MTMR10: variants seen among roughly 807,000 people sequenced by gnomAD.
MTMR10 encodes myotubularin-related protein 10.
A neutral mutation model predicts 88.1 loss-of-function variants in MTMR10; 56 were observed. The observed-to-expected ratio is 0.64, with a 90% CI of 0.51 to 0.79. The LOEUF (loss-of-function observed/expected upper bound fraction) is 0.79, where lower values mean the gene tolerates loss of function less well. MTMR10 is among the 30% of genes least tolerant of loss of function. The pLI is 0.00. For synonymous variants in MTMR10, 380 were observed against 340.9 expected, an observed-to-expected ratio of 1.11 and a Z score of -1.26; for missense variants, 883 against 924.7, an observed-to-expected ratio of 0.95 and a Z score of 0.58.
the MTMR10 span, chr15:30,925,863 C>T: frequency 9.9e-5 from 160 of 1,614,206 alleles, 1 homozygote; most frequent in South Asian, 1.4e-3. Flanking sequence ...CCGGGGAGGC[C>T]GCTGACCCCA....
the MTMR10 span, among the ~76,000 whole-genome samples, chr15:30,928,961 G>C: frequency 3.9e-5 from 6 of 152,228 alleles, no homozygotes; most frequent in African/African-American, 1.4e-4. Flanking sequence ...GGAGCTCACA[G>C]ACATGGGCAC....
chr15:30,942,322 C>CTAAT (rs1327597543), intron 15 of MTMR10: 1 of 547,962 alleles, frequency 1.8e-6, no homozygotes, highest in African/African-American at 1.9e-5. Flanking sequence ...CTCCTATCCA[C>CTAAT]TAATTTGCTT....
downstream of MTMR10, among the ~76,000 whole-genome samples, chr15:30,936,451 T>TA (rs1277207211): frequency 1.3e-5 from 2 of 152,228 alleles, no homozygotes; most frequent in Non-Finnish European, 2.9e-5. Context: ...CGGAGGGTTT[T>TA]AAGCAAGGAA....
downstream of MTMR10, among the ~76,000 whole-genome samples, chr15:30,935,788 A>G (rs2062835639): frequency 6.6e-6 from 1 of 152,210 alleles, no homozygotes; most frequent in Non-Finnish European, 1.5e-5. Context: ...AATACTTTAA[A>G]AATATTAGTC....
At chr15:30,928,030 G>C in the MTMR10 span, 2 of 989,294 alleles carry the variant, frequency 2.0e-6, no homozygotes, top group Non-Finnish European at 2.4e-6. Context: ...GGGCAGTGTA[G>C]TACCCAGGGG....
At chr15:30,989,586 GTT>G (rs35798908) in intron 2 of MTMR10, among the ~76,000 whole-genome samples, 3 of 143,396 alleles carry the variant, frequency 2.1e-5, no homozygotes, top group Non-Finnish European at 1.5e-5. Context: ...TTGATTTCAG[GTT>G]TTTTTTTTTT....
intron 2 of MTMR10, among the ~76,000 whole-genome samples, chr15:30,988,322 G>A (rs895473804): frequency 1.3e-5 from 2 of 152,166 alleles, no homozygotes; most frequent in Admixed American, 6.5e-5. Flanking sequence ...GCTAAATGTT[G>A]GGTAAGGATA....
chr15:30,987,006 C>G (rs1011740440), intron 2 of MTMR10, among the ~76,000 whole-genome samples: 1 of 152,194 alleles, frequency 6.6e-6, no homozygotes, highest in African/African-American at 2.4e-5. Context: ...AAGTCAAACT[C>G]AGTTTTCAAG....
At chr15:30,984,439 A>G (rs1436100454) in intron 2 of MTMR10, among the ~76,000 whole-genome samples, 1 of 152,244 alleles carries the variant, frequency 6.6e-6, no homozygotes, top group East Asian at 1.9e-4. Context: ...ACAAATTAAA[A>G]TACTACAAAA....
rs371260170 is a variant in MTMR10 at position 30,941,806 on chromosome 15, G to A, written c.1998C>T (p.Pro666=). The A allele has an allele frequency of 1.4e-5, 23 of 1,613,898 alleles. No homozygotes were observed. The highest frequency in any genetic ancestry group is 9.3e-5 in the African/African-American group (7 of 74,926). ...AGCCACCCAGGCTGATCTGGGCCTC[G>A]GGAACCCAGCGGAAGTAGCACAGTT... ...LWKLCYFRWV[P]EAQISLGGSI... The change falls in exon 16 of 16, where the codon CCC becomes CCT. Residue 666 remains proline (P), a synonymous_variant. Transcript: ENST00000435680.
the MTMR10 span, among the ~76,000 whole-genome samples, chr15:30,932,799 G>A: frequency 1.8e-3 from 267 of 146,664 alleles, 2 homozygotes; most frequent in African/African-American, 6.3e-3. Flanking sequence ...TGCAACTTCC[G>A]CCTCCTGGGT....
intron 2 of MTMR10, among the ~76,000 whole-genome samples, chr15:30,981,710 T>C (rs953378972): frequency 6.6e-5 from 10 of 152,234 alleles, no homozygotes; most frequent in Admixed American, 6.5e-4. Context: ...AACAGAAATC[T>C]AGTAATTATA....
chr15:30,923,007 C>T, the MTMR10 span, among the ~76,000 whole-genome samples: 1 of 152,242 alleles, frequency 6.6e-6, no homozygotes, highest in South Asian at 2.1e-4. Flanking sequence ...GTGTGGCCGC[C>T]AGCAGGCCCC....
Position 30,941,516 on chromosome 15 carries a change from C to T in MTMR10, c.2288G>A (p.Gly763Glu). ...LGTPLSKFLS[G>E]AKIWLSTETL... Reference sequence around the variant, plus strand: ...CTCAGTAGACAACCATATTTTGGCCCCACTTAAAAATTTGCTTAATGGTGT... The same window carrying T: ...CTCAGTAGACAACCATATTTTGGCCTCACTTAAAAATTTGCTTAATGGTGT... Residue 763 changes from glycine (G) to glutamate (E), a missense_variant, in exon 16 of 16, where the codon GGG (glycine) becomes GAG (glutamate). Gly to Glu is a moderately conservative substitution (Grantham distance 98). Coordinates refer to ENST00000435680, the MANE Select transcript of MTMR10 (RefSeq NM_017762.3). 5 of 1,611,434 alleles carry T rather than the reference C, an allele frequency of 3.1e-6. No homozygotes were observed. The highest frequency in any genetic ancestry group is 4.2e-6 in the Non-Finnish European group (5 of 1,178,592).
chr15:30,977,781 A>G (rs2030269039), intron 2 of MTMR10, among the ~76,000 whole-genome samples: 1 of 152,204 alleles, frequency 6.6e-6, no homozygotes, highest in Non-Finnish European at 1.5e-5. Flanking sequence ...CTACCAATTC[A>G]TGAAGAATGG....
the MTMR10 span, chr15:30,927,145 G>A: frequency 2.2e-6 from 2 of 915,758 alleles, no homozygotes; most frequent in Non-Finnish European, 2.6e-6. Flanking sequence ...GGAGGTCAAG[G>A]CTGCAGTGAG....
At chr15:30,929,955 TATC>T in the MTMR10 span, among the ~76,000 whole-genome samples, 1,208 of 122,690 alleles carry the variant, frequency 9.8e-3, 17 homozygotes, top group Non-Finnish European at 0.012. Context: ...ATATAATATA[TATC>T]ATATAATATA....
At chr15:30,929,584 T>TATTACATATTACATATATAA in the MTMR10 span, among the ~76,000 whole-genome samples, 1 of 133,310 alleles carries the variant, frequency 7.5e-6, no homozygotes, top group African/African-American at 2.9e-5. Flanking sequence ...ATTTATTATA[T>TATTACATATTACATATATAA]TATATATTAT....
chr15:30,980,421 T>C (rs2030489725), intron 2 of MTMR10, among the ~76,000 whole-genome samples: 1 of 152,142 alleles, frequency 6.6e-6, no homozygotes, highest in African/African-American at 2.4e-5. Flanking sequence ...AGGGGCTAGA[T>C]TAAGAGTTTG....
Sources: allele counts gnomAD v4.1 joint callset (sites outside exome capture counted in the v4.1 genomes callset), GRCh38; gene constraint gnomAD v4.1.1; transcripts MANE v1.5; gene names NCBI Gene and HGNC (gene_info 2026-07-23, HGNC 2026-07-21).